The following GRIP1 variants were observed in gnomAD, a reference collection of about 807,000 sequenced individuals.
GRIP1 encodes glutamate receptor interacting protein 1, also known as glutamate receptor-interacting protein 1.
In GRIP1, 45 loss-of-function variants were observed where a neutral mutation model predicts 129.9. The observed-to-expected ratio is 0.35, with a 90% CI of 0.27 to 0.44. GRIP1 has a LOEUF of 0.44. Ranked by LOEUF, GRIP1 falls within the 20% of genes least tolerant of loss-of-function variation. The pLI is 1.00. For synonymous variants in GRIP1, 530 were observed against 520.8 expected, an observed-to-expected ratio of 1.02 and a Z score of -0.24; for missense variants, 1,196 against 1,396.8, an observed-to-expected ratio of 0.86 and a Z score of 2.29.
At chr12:66,938,839 C>T (rs1181290598) in intron 1 of GRIP1, among the ~76,000 whole-genome samples, 2 of 152,106 alleles carry the variant, frequency 1.3e-5, no homozygotes, top group Non-Finnish European at 2.9e-5. Context: ...TGCCTGTAGT[C>T]CCAGCTACTC....
chr12:66,613,490 G>A (rs2064902273), intron 1 of GRIP1, among the ~76,000 whole-genome samples: 1 of 152,028 alleles, frequency 6.6e-6, no homozygotes, highest in Admixed American at 6.6e-5. Context: ...AGAAACAATT[G>A]AAAAACAAGG....
intron 20 of GRIP1, among the ~76,000 whole-genome samples, chr12:66,378,723 C>A (rs2137372018): frequency 6.6e-6 from 1 of 151,850 alleles, no homozygotes; most frequent in African/African-American, 2.4e-5. Context: ...CCAGCCTAGG[C>A]AATAGAGCGA....
intron 1 of GRIP1, among the ~76,000 whole-genome samples, chr12:66,986,702 T>C (rs1375790605): frequency 7.7e-6 from 1 of 129,526 alleles, no homozygotes; most frequent in Non-Finnish European, 1.6e-5. Context: ...GGGGGAGGGA[T>C]AGCATTAGGA....
intron 1 of GRIP1, among the ~76,000 whole-genome samples, chr12:66,979,344 A>G (rs1301262445): frequency 6.9e-6 from 1 of 145,578 alleles, no homozygotes; most frequent in East Asian, 2.0e-4. Flanking sequence ...TGGCAAGGTG[A>G]AAAAAAAAAA....
chr12:66,505,223 GAA>G (rs1190333700), intron 7 of GRIP1, among the ~76,000 whole-genome samples: 1 of 152,154 alleles, frequency 6.6e-6, no homozygotes, highest in Non-Finnish European at 1.5e-5. Context: ...AGGCAGAGGA[GAA>G]AGTCAGAGAT....
intron 1 of GRIP1, among the ~76,000 whole-genome samples, chr12:66,704,640 G>T (rs1368126424): frequency 6.6e-6 from 1 of 152,052 alleles, no homozygotes; most frequent in Admixed American, 6.6e-5. Context: ...CAGGTGGCAG[G>T]AAAGAGGTTA....
chr12:66,989,997 G>C (rs537627903), intron 1 of GRIP1, among the ~76,000 whole-genome samples: 3 of 152,334 alleles, frequency 2.0e-5, no homozygotes, highest in African/African-American at 7.2e-5. Flanking sequence ...TAAAATAAAT[G>C]AAAGTGTTAA....
intron 22 of GRIP1, among the ~76,000 whole-genome samples, chr12:66,373,836 G>A (rs2055653111): frequency 6.6e-6 from 1 of 152,158 alleles, no homozygotes; most frequent in Admixed American, 6.5e-5. Context: ...CTATACAATA[G>A]ATATTAAAAT....
intron 1 of GRIP1, among the ~76,000 whole-genome samples, chr12:66,934,943 G>C (rs1008747984): frequency 1.3e-5 from 2 of 152,282 alleles, no homozygotes; most frequent in Admixed American, 6.5e-5. Flanking sequence ...CAAAGCCCTC[G>C]AGCCAAGGAA....
intron 1 of GRIP1, among the ~76,000 whole-genome samples, chr12:66,649,078 G>T (rs111495036): frequency 2.7e-3 from 408 of 152,250 alleles, no homozygotes; most frequent in African/African-American, 9.2e-3. Flanking sequence ...TAAAAAGCAA[G>T]AGGACCATAT....
chr12:66,882,453 G>A (rs899761285), intron 1 of GRIP1, among the ~76,000 whole-genome samples: 5 of 152,126 alleles, frequency 3.3e-5, no homozygotes, highest in Admixed American at 2.0e-4. Flanking sequence ...GGAGCCAGCC[G>A]AGCTGAACCG....
At chr12:66,982,678 C>T (rs1413515316) in intron 1 of GRIP1, among the ~76,000 whole-genome samples, 1 of 152,160 alleles carries the variant, frequency 6.6e-6, no homozygotes, top group East Asian at 1.9e-4. Context: ...CATGAGTGAG[C>T]TTAGAAGTGG....
chr12:66,636,530 T>C (rs1343481735), intron 1 of GRIP1, among the ~76,000 whole-genome samples: 1 of 152,146 alleles, frequency 6.6e-6, no homozygotes, highest in Non-Finnish European at 1.5e-5. Context: ...ATGAATTGTG[T>C]CTCCCATCCA....
intron 1 of GRIP1, among the ~76,000 whole-genome samples, chr12:66,951,685 G>A (rs1389090067): frequency 6.6e-6 from 1 of 152,232 alleles, no homozygotes; most frequent in Non-Finnish European, 1.5e-5. Flanking sequence ...AATCCTCGTT[G>A]TAGTCCATTT....
intron 1 of GRIP1, among the ~76,000 whole-genome samples, chr12:66,608,745 C>T (rs557711420): frequency 2.2e-4 from 34 of 152,092 alleles, no homozygotes; most frequent in African/African-American, 6.3e-4. Flanking sequence ...GGTTCAGTTT[C>T]GTCACCTATA....
chr12:66,414,012 G>A (rs2137753211), intron 15 of GRIP1, among the ~76,000 whole-genome samples: 1 of 152,142 alleles, frequency 6.6e-6, no homozygotes, highest in Admixed American at 6.5e-5. Context: ...GCAAAAGCTG[G>A]AAGCATTCAC....
chr12:66,886,553 T>C (rs1377812423), intron 1 of GRIP1, among the ~76,000 whole-genome samples: 1 of 152,104 alleles, frequency 6.6e-6, no homozygotes, highest in East Asian at 1.9e-4. Flanking sequence ...AATGCTCTCA[T>C]ATTCCCAAAT....
At chr12:66,673,167 A>G (rs2034161611) in intron 1 of GRIP1, among the ~76,000 whole-genome samples, 1 of 152,196 alleles carries the variant, frequency 6.6e-6, no homozygotes, top group Non-Finnish European at 1.5e-5. Context: ...TTGTGATCTT[A>G]GGAATGATTC....
chr12:66,461,701 T>C (rs1428683680), intron 9 of GRIP1, among the ~76,000 whole-genome samples: 2 of 152,202 alleles, frequency 1.3e-5, no homozygotes, highest in Non-Finnish European at 2.9e-5. Context: ...TCCAGCTGAC[T>C]GATTTAGTAT....
Sources: allele counts gnomAD v4.1 joint callset (sites outside exome capture counted in the v4.1 genomes callset), GRCh38; gene constraint gnomAD v4.1.1; transcripts MANE v1.5; gene names NCBI Gene and HGNC (gene_info 2026-07-23, HGNC 2026-07-21).